The following CUL3 variants were observed in gnomAD, a reference collection of about 807,000 sequenced individuals.
CUL3 encodes cullin-3.
In CUL3, 19 loss-of-function variants were observed where a neutral mutation model predicts 89.1. The ratio of observed to expected loss-of-function variants is 0.21; its 90% CI spans 0.15 to 0.31. CUL3 has a LOEUF of 0.31. CUL3 is among the 10% of genes least tolerant of loss of function. The pLI, the probability that CUL3 is intolerant of heterozygous loss-of-function variation, is 1.00. For missense variants in CUL3, 469 were observed against 942.3 expected (o/e 0.50, Z 6.58); for synonymous variants, 351 against 308.4 (o/e 1.14, Z -1.45).
chr2:224,571,028 A>G (rs561175672), intron 1 of CUL3, among the ~76,000 whole-genome samples: 1 of 152,330 alleles, frequency 6.6e-6, no homozygotes, highest in Admixed American at 6.5e-5. Flanking sequence ...GGTATGTATA[A>G]CATTTCAAAA....
At chr2:224,568,456 C>T (rs1366620167) in intron 1 of CUL3, among the ~76,000 whole-genome samples, 1 of 152,204 alleles carries the variant, frequency 6.6e-6, no homozygotes, top group African/African-American at 2.4e-5. Context: ...ATGAATACTA[C>T]TTTATCCATG....
chr2:224,545,755 GA>G (rs1353323007), intron 2 of CUL3, among the ~76,000 whole-genome samples: 1 of 152,094 alleles, frequency 6.6e-6, no homozygotes, highest in Non-Finnish European at 1.5e-5. Context: ...GCATTCAAAT[GA>G]CCTCAATACA....
intron 2 of CUL3, among the ~76,000 whole-genome samples, chr2:224,551,506 A>ATT (rs374647901): frequency 7.9e-5 from 11 of 139,620 alleles, no homozygotes; most frequent in African/African-American, 7.9e-5. Context: ...CGCCTGGTCA[A>ATT]TTTTTTTTTT....
intron 3 of CUL3, among the ~76,000 whole-genome samples, chr2:224,516,011 C>T (rs1293534454): frequency 6.6e-6 from 1 of 152,026 alleles, no homozygotes; most frequent in Non-Finnish European, 1.5e-5. Context: ...TAATTAAATT[C>T]TCCACGTGCA....
chr2:224,553,493 T>C (rs1448491478), intron 2 of CUL3, among the ~76,000 whole-genome samples: 1 of 152,218 alleles, frequency 6.6e-6, no homozygotes, highest in African/African-American at 2.4e-5. Flanking sequence ...AATGCATGTT[T>C]TGGGGGAATA....
rs1691227528 is a variant in CUL3, at chr2:224,474,104, A to G, written c.*141T>C. On this transcript the variant is annotated 3_prime_UTR_variant, in exon 16 of 16. Coordinates refer to ENST00000264414, the MANE Select transcript of CUL3 (RefSeq NM_003590.5). ...GATGTTGGAAACTCTCAAAGGGAGT[A>G]AAGGCTTGATCTCAATGGTCTAGAA... 1.3e-6 allele frequency: 1 copy of G among 791,638 alleles called. No individual in the cohort carries two copies. Among genetic ancestry groups the G allele is most frequent in the Admixed American group, 3.0e-5 (1 of 33,234 alleles). The allele number at this position is 791,638 out of a possible 1,614,324, so 49.0% of individuals were successfully genotyped here. A position where few individuals can be genotyped will look rare whatever the true frequency, so the allele number is the denominator to read the frequency against.
chr2:224,517,618 A>G (rs1693108574), intron 3 of CUL3, among the ~76,000 whole-genome samples: 1 of 152,308 alleles, frequency 6.6e-6, no homozygotes, highest in Admixed American at 6.5e-5. Context: ...GGCTGCAATG[A>G]GCCAGCCCCT....
chr2:224,567,731 C>T (rs926079756), intron 1 of CUL3, among the ~76,000 whole-genome samples: 12 of 147,258 alleles, frequency 8.1e-5, no homozygotes, highest in African/African-American at 3.0e-4. Context: ...CAGAGTGAGA[C>T]TCTGTCTCAA....
intron 13 of CUL3, among the ~76,000 whole-genome samples, chr2:224,487,492 T>TA (rs375340338): frequency 0.013 from 1,138 of 90,170 alleles, 15 homozygotes; most frequent in African/African-American, 0.042. Context: ...TAGTCTCTGA[T>TA]AAAAAAAGAC....
intron 3 of CUL3, among the ~76,000 whole-genome samples, chr2:224,528,112 G>A (rs1183069923): frequency 1.3e-5 from 2 of 152,178 alleles, no homozygotes; most frequent in African/African-American, 4.8e-5. Context: ...TATTGCTGCT[G>A]TAAAAATTAC....
At chr2:224,531,903 T>C (rs977472533) in intron 3 of CUL3, among the ~76,000 whole-genome samples, 7 of 152,184 alleles carry the variant, frequency 4.6e-5, no homozygotes, top group African/African-American at 1.7e-4. Context: ...CAGTGAACAC[T>C]GTAAGACTAG....
chr2:224,541,398 C>T (rs934810325), intron 2 of CUL3, among the ~76,000 whole-genome samples: 10 of 152,206 alleles, frequency 6.6e-5, no homozygotes, highest in African/African-American at 2.4e-4. Flanking sequence ...AACCCCTACA[C>T]ACCCATCAGA....
At chr2:224,512,240 C>A (rs180970843) in intron 5 of CUL3, among the ~76,000 whole-genome samples, 1 of 151,976 alleles carries the variant, frequency 6.6e-6, no homozygotes, top group African/African-American at 2.4e-5. Flanking sequence ...GGACTACAGG[C>A]GCCCGCCACC....
At chr2:224,531,586 C>T (rs1028474051) in intron 3 of CUL3, among the ~76,000 whole-genome samples, 8 of 152,104 alleles carry the variant, frequency 5.3e-5, no homozygotes, top group Non-Finnish European at 1.0e-4. Context: ...GCAAACTACA[C>T]ACTGAATAGT....
At chr2:224,479,752 C>T (rs548923343) in intron 14 of CUL3, 32 of 152,220 alleles carry the variant, frequency 2.1e-4, no homozygotes, top group African/African-American at 6.5e-4. Flanking sequence ...GACTGGTAAA[C>T]GTAGGTCACA....
intron 15 of CUL3, among the ~76,000 whole-genome samples, chr2:224,476,866 G>A (rs1691341388): frequency 6.6e-6 from 1 of 151,884 alleles, no homozygotes; most frequent in Admixed American, 6.6e-5. Flanking sequence ...ACTCTACACT[G>A]AATCCTCTAA....
rs2106152636 is a variant in CUL3 at position 224,482,084 on chromosome 2, A to G, written c.1843-6T>C. The G allele has an allele frequency of 6.3e-7, 1 of 1,586,548 alleles. No individual in the cohort carries two copies. The highest frequency in any genetic ancestry group is 8.5e-7 in the Non-Finnish European group (1 of 1,170,418). On this transcript the variant is annotated splice_region_variant and splice_polypyrimidine_tract_variant and intron_variant, in intron 13 of 15. Coordinates refer to ENST00000264414, the MANE Select transcript of CUL3 (RefSeq NM_003590.5). Reference sequence around the variant, plus strand: ...TCTGTCTCTTGCTGAATTTCCTGAAATTTCATCAGATTAACATAATTAGAC... The same window carrying G: ...TCTGTCTCTTGCTGAATTTCCTGAAGTTTCATCAGATTAACATAATTAGAC...
At position 224,470,273 on chromosome 2, in the gene CUL3, TAC is replaced by T. The variant is rs1691076488; in HGVS notation, c.*3970_*3971del. 3 of 222,540 alleles carry T rather than the reference TAC, an allele frequency of 1.3e-5. No homozygotes were observed. In the East Asian group the frequency reaches 2.0e-4, roughly 15 times the overall value. 13.8% of individuals were successfully genotyped at this position (222,540 alleles called of 1,614,324 possible). ...TGACAATTTCATTGTTACTAAAAAA[TAC>T]ACGTTTACTTTGAGCTGCTCATGTA... On this transcript the variant is annotated 3_prime_UTR_variant, in exon 16 of 16. Transcript: ENST00000264414.
intron 2 of CUL3, among the ~76,000 whole-genome samples, chr2:224,546,918 T>C (rs1694325544): frequency 6.6e-6 from 1 of 152,144 alleles, no homozygotes; most frequent in Non-Finnish European, 1.5e-5. Flanking sequence ...CTGTCTCTTT[T>C]GGGATTATGC....
Sources: allele counts gnomAD v4.1 joint callset (sites outside exome capture counted in the v4.1 genomes callset), GRCh38; gene constraint gnomAD v4.1.1; transcripts MANE v1.5; gene names NCBI Gene and HGNC (gene_info 2026-07-23, HGNC 2026-07-21).